The following SESN1 variants were observed in gnomAD, a reference collection of about 807,000 sequenced individuals.
SESN1 encodes the protein sestrin 1.
In SESN1, 30 loss-of-function variants were observed where a neutral mutation model predicts 59.3. The ratio of observed to expected loss-of-function variants is 0.51; its 90% confidence interval spans 0.38 to 0.69. The LOEUF is 0.69. Among genes scored for constraint, SESN1 ranks in the 30% least tolerant of loss-of-function variants. The probability of loss-of-function intolerance (pLI) is 0.00; values close to 1 mark genes in which losing one functional copy is unlikely to be tolerated. For synonymous variants in SESN1, 197 were observed against 219.9 expected (o/e 0.90, Z 0.92); for missense variants, 566 against 673.0 (o/e 0.84, Z 1.76).
At chr6:109,068,208 T>G (rs577883566) in intron 1 of SESN1, among the ~76,000 whole-genome samples, 2 of 152,294 alleles carry the variant, frequency 1.3e-5, no homozygotes, top group East Asian at 3.9e-4. Flanking sequence ...CTTTTTCTCT[T>G]TAGTCACCCC....
At chr6:108,990,376 C>G (rs1487630745) in intron 8 of SESN1, among the ~76,000 whole-genome samples, 1 of 152,200 alleles carries the variant, frequency 6.6e-6, no homozygotes, top group Non-Finnish European at 1.5e-5. Context: ...TGTTCTAGGA[C>G]CAGCTTGCTT....
At chr6:109,033,869 T>C (rs1227163127) in intron 1 of SESN1, among the ~76,000 whole-genome samples, 1 of 152,162 alleles carries the variant, frequency 6.6e-6, no homozygotes, top group Non-Finnish European at 1.5e-5. Context: ...TTTCTGTTAG[T>C]GATAAGATGA....
In SESN1 at chr6:109,022,344, T is replaced by G. The variant is rs143970351; in HGVS notation, c.280-20001A>C. Among the ~76,000 whole-genome samples, 6 of 151,148 alleles carry G rather than the reference T, an allele frequency of 4.0e-5. No homozygotes were observed. In the East Asian group the frequency reaches 1.2e-3, roughly 30 times the overall value. On this transcript the variant is annotated intron_variant, in intron 1 of 9. Coordinates refer to ENST00000436639, the MANE Select transcript of SESN1 (RefSeq NM_014454.3). ...TGATTCCAGAAGCAGGGCAATGCTA[T>G]ACTAGTTTCGATTTGATATTAATAG...
rs190434329 is a variant in SESN1, at chr6:109,085,432, T to C, written c.279+8363A>G. On this transcript the variant is annotated intron_variant, in intron 1 of 9. Coordinates refer to ENST00000436639, the MANE Select transcript of SESN1 (RefSeq NM_014454.3). ...TACTTGGGAGGCTGAGGCAGGAGAA[T>C]GGCGTGAACCCCGGAGGCGGAGCTT... 7.8e-3 allele frequency among the ~76,000 whole-genome samples: 1,188 copies of C among 152,074 alleles called. 21 individuals carry two copies. The highest frequency in any genetic ancestry group is 0.027 in the African/African-American group (1,137 of 41,454).
rs775102600 is a variant in SESN1 at position 109,001,272 on chromosome 6, C to A, written c.546+16G>T. 1.2e-5 allele frequency: 20 copies of A among 1,605,782 alleles called. No individual in the cohort carries two copies. The African/African-American group carries it at 2.7e-4, about 22-fold the overall frequency. On this transcript the variant is annotated intron_variant, in intron 3 of 9. Transcript: ENST00000436639. ...AAAAATAGGCAAAAACAATTTTTCA[C>A]TGAATGTTTACAAACCATTATTCCA...
At chr6:109,018,711 G>A (rs1218110881) in intron 1 of SESN1, among the ~76,000 whole-genome samples, 4 of 152,076 alleles carry the variant, frequency 2.6e-5, no homozygotes, top group South Asian at 4.2e-4. Flanking sequence ...TTTTGTTCAA[G>A]CTTCTGGATC....
intron 1 of SESN1, among the ~76,000 whole-genome samples, chr6:109,068,524 G>C (rs139627045): frequency 6.6e-6 from 1 of 151,720 alleles, no homozygotes; most frequent in Non-Finnish European, 1.5e-5. Flanking sequence ...AAAAAGAAAC[G>C]GTATATGAAA....
chr6:109,076,711 G>C (rs141088245), intron 1 of SESN1, among the ~76,000 whole-genome samples: 11 of 152,078 alleles, frequency 7.2e-5, no homozygotes, highest in African/African-American at 2.7e-4. Flanking sequence ...GGCATGTTTG[G>C]GATAGAGGCA....
At chr6:109,000,374 G>T in intron 4 of SESN1, 117 bp downstream of exon 4, 1 of 703,558 alleles carries the variant, frequency 1.4e-6, no homozygotes, top group Non-Finnish European at 2.2e-6. Context: ...TGTGGGAAGA[G>T]ATTCAGGGGG....
At chr6:109,069,090 A>G (rs1289246893) in intron 1 of SESN1, among the ~76,000 whole-genome samples, 1 of 152,092 alleles carries the variant, frequency 6.6e-6, no homozygotes, top group African/African-American at 2.4e-5. Flanking sequence ...CTTAGGAAAA[A>G]CATGATAAAG....
intron 7 of SESN1, among the ~76,000 whole-genome samples, chr6:108,991,253 GT>G (rs2114264981): frequency 6.8e-6 from 1 of 147,292 alleles, no homozygotes; most frequent in South Asian, 2.2e-4. Flanking sequence ...GTGTGTGTGT[GT>G]TTTAAGAGAC....
At chr6:108,994,840 C>T (rs1430328199) in intron 5 of SESN1, among the ~76,000 whole-genome samples, 2 of 151,830 alleles carry the variant, frequency 1.3e-5, no homozygotes, top group Non-Finnish European at 1.5e-5. Flanking sequence ...GTAGCTGGGA[C>T]TACAGGTGCC....
chr6:109,009,486 C>G, intron 1 of SESN1: 1 of 1,237,646 alleles, frequency 8.1e-7, no homozygotes, highest in Non-Finnish European at 1.0e-6. Context: ...GCTGCGGACG[C>G]GCGGAGGCGG....
intron 1 of SESN1, among the ~76,000 whole-genome samples, chr6:109,003,323 C>G (rs187844868): frequency 2.1e-4 from 30 of 145,782 alleles, no homozygotes. Flanking sequence ...TTTTAAAGTT[C>G]TTCATGATAT....
chr6:109,085,325 C>T (rs1393897117), intron 1 of SESN1, among the ~76,000 whole-genome samples: 1 of 152,094 alleles, frequency 6.6e-6, no homozygotes, highest in African/African-American at 2.4e-5. Flanking sequence ...CGAGACCATC[C>T]TGGCTATCAT....
At chr6:109,023,920 C>A (rs1780046842) in intron 1 of SESN1, among the ~76,000 whole-genome samples, 1 of 152,086 alleles carries the variant, frequency 6.6e-6, no homozygotes, top group Admixed American at 6.5e-5. Flanking sequence ...AAATATGTTA[C>A]TGCCTACTCA....
chr6:109,028,498 T>C (rs1205033737), intron 1 of SESN1, among the ~76,000 whole-genome samples: 1 of 152,152 alleles, frequency 6.6e-6, no homozygotes, highest in Non-Finnish European at 1.5e-5. Flanking sequence ...TACTGTCTGA[T>C]GAGTTTCTAC....
intron 1 of SESN1, among the ~76,000 whole-genome samples, chr6:109,027,476 CAAAAAAAAAAAA>C (rs57225616): frequency 3.7e-5 from 1 of 27,326 alleles, no homozygotes; most frequent in Non-Finnish European, 7.7e-5. Flanking sequence ...GACTCTGTCT[CAAAAAAAAAAAA>C]AAAAAAAAAA....
intron 4 of SESN1, 27 bp from the exon 5 acceptor site, chr6:108,998,782 A>G (rs373372566): frequency 2.5e-6 from 4 of 1,587,448 alleles, no homozygotes; most frequent in Non-Finnish European, 3.4e-6. Flanking sequence ...AAAAGAATAT[A>G]TTTTTGTACT....
Sources: allele counts gnomAD v4.1 joint callset (sites outside exome capture counted in the v4.1 genomes callset), GRCh38; gene constraint gnomAD v4.1.1; transcripts MANE v1.5; gene names NCBI Gene and HGNC (gene_info 2026-07-23, HGNC 2026-07-21).